ZNF160: variants seen among roughly 807,000 people sequenced by gnomAD.
ZNF160 encodes zinc finger protein 160.
In ZNF160, 9 loss-of-function variants were observed where a neutral mutation model predicts 13.1. The observed-to-expected ratio is 0.69, with a 90% confidence interval of 0.41 to 1.20. The LOEUF is 1.20. Ranked by LOEUF, ZNF160 falls within the 50% of genes most tolerant of loss-of-function variation. The pLI, the probability that ZNF160 is intolerant of heterozygous loss-of-function variation, is 0.01. For synonymous variants in ZNF160, 293 were observed against 333.2 expected, an observed-to-expected ratio of 0.88 and a Z score of 1.31; for missense variants, 838 against 988.0, an observed-to-expected ratio of 0.85 and a Z score of 2.04.
intron 3 of ZNF160, among the ~76,000 whole-genome samples, chr19:53,080,750 C>T (rs1204596161): frequency 6.6e-6 from 1 of 152,126 alleles, no homozygotes; most frequent in African/African-American, 2.4e-5. Flanking sequence ...CAAAAAAGAG[C>T]TCAAAGAGCC....
rs1437623681 is a variant in ZNF160 at position 53,091,669 on chromosome 19, G to A, written c.-302C>T. 1 of 152,270 alleles carries A rather than the reference G, an allele frequency of 6.6e-6. No homozygotes were observed. The highest frequency in any genetic ancestry group is 1.5e-5 in the Non-Finnish European group (1 of 68,066). The allele number at this position is 152,270 out of a possible 1,614,324, so 9.4% of individuals were successfully genotyped here. On this transcript the variant is annotated 5_prime_UTR_variant, in exon 2 of 6. Coordinates refer to ENST00000683776, the MANE Select transcript of ZNF160 (RefSeq NM_001322131.2). ...GCTGAAGCCACTCAGTGGGCTGGGAGCCGGGATCTCTCTAGGTCGTCAGGG... is the reference window on the plus strand; with the variant it reads ...GCTGAAGCCACTCAGTGGGCTGGGAACCGGGATCTCTCTAGGTCGTCAGGG...
At chr19:53,087,355 C>A (rs974458059) in intron 2 of ZNF160, among the ~76,000 whole-genome samples, 1 of 152,182 alleles carries the variant, frequency 6.6e-6, no homozygotes, top group African/African-American at 2.4e-5. Context: ...TATTTCCTCA[C>A]CTGTTTTAAG....
intron 3 of ZNF160, among the ~76,000 whole-genome samples, chr19:53,081,379 T>TATCCAG (rs2084625923): frequency 6.6e-6 from 1 of 152,060 alleles, no homozygotes; most frequent in African/African-American, 2.4e-5. Context: ...GAATAACTAA[T>TATCCAG]ATCCAGAATC....
At chr19:53,094,854 C>T (rs2085162037) in intron 1 of ZNF160, among the ~76,000 whole-genome samples, 1 of 152,146 alleles carries the variant, frequency 6.6e-6, no homozygotes, top group Non-Finnish European at 1.5e-5. Context: ...GAGAGAAAGG[C>T]TGACATAGCA....
intron 3 of ZNF160, chr19:53,077,159 C>A (rs1179210605): frequency 6.6e-6 from 1 of 152,218 alleles, no homozygotes; most frequent in African/African-American, 2.4e-5. Flanking sequence ...GCGGAACAGC[C>A]GGCAGACAAC....
At chr19:53,075,325 C>G (rs2084346132) in intron 3 of ZNF160, 142 bp from the exon 4 acceptor site, 1 of 1,089,028 alleles carries the variant, frequency 9.2e-7, no homozygotes, top group African/African-American at 1.6e-5. Context: ...ATGTGACATA[C>G]AGATTTGGTC....
At chr19:53,085,447 C>T (rs2084794145) in intron 3 of ZNF160, 1 of 152,372 alleles carries the variant, frequency 6.6e-6, no homozygotes, top group African/African-American at 2.4e-5. Context: ...ATAAATGTAT[C>T]ATTTCACTAT....
chr19:53,094,283 C>T (rs2085139561), intron 1 of ZNF160, among the ~76,000 whole-genome samples: 1 of 152,152 alleles, frequency 6.6e-6, no homozygotes, highest in Admixed American at 6.5e-5. Flanking sequence ...GACCTAAGCC[C>T]AGAGTTCTCT....
rs761860663 is a variant in ZNF160, at chr19:53,074,268, C to G, written c.143G>C (p.Gly48Ala). Residue 48 changes from glycine (G) to alanine (A), a missense_variant and splice_region_variant, in exon 5 of 6, where the codon GGA (glycine) becomes GCA (alanine). Coordinates refer to ENST00000683776, the MANE Select transcript of ZNF160 (RefSeq NM_001322131.2). The stretch of plus-strand genomic sequence containing the variant: ...AATATTCATATCAAAATGACACAGT[C>G]CTGTTTATAAAAAGAAAGGATCACA... ...LENYWNLVSL[G>A]LCHFDMNIIS... 6 of 1,613,852 alleles carry G rather than the reference C, an allele frequency of 3.7e-6. No homozygotes were observed. In the South Asian group the frequency reaches 6.6e-5, roughly 18 times the overall value.
chr19:53,102,780 G>A (rs2085494050), intron 1 of ZNF160, among the ~76,000 whole-genome samples: 1 of 152,168 alleles, frequency 6.6e-6, no homozygotes, highest in Non-Finnish European at 1.5e-5. Flanking sequence ...CATTTTCCAG[G>A]GGGTGGAGCT....
intron 1 of ZNF160, among the ~76,000 whole-genome samples, chr19:53,101,933 T>G (rs1251208039): frequency 2.0e-5 from 3 of 152,156 alleles, no homozygotes; most frequent in Admixed American, 6.6e-5. Context: ...AATTGTCATA[T>G]CCAATCTCAA....
chr19:53,073,687 T>C (rs975788386), intron 5 of ZNF160, among the ~76,000 whole-genome samples: 4 of 152,224 alleles, frequency 2.6e-5, no homozygotes, highest in Non-Finnish European at 4.4e-5. Flanking sequence ...AGAGTTCAAA[T>C]GACAGGGTGT....
Position 53,068,376 on chromosome 19 carries a change from G to A in ZNF160, c.2158C>T (p.Leu720=). The part of the protein sequence containing the change: ...CGKAFSVRSS[L]TTHQAIHTGK... ...GTATGGATTGCCTGATGGGTGGTTA[G>A]GCTTGAACGAACACTGAAGGCTTTC... Residue 720 remains leucine (L), a synonymous_variant, in exon 6 of 6, where the codon CTA becomes TTA. Transcript: ENST00000683776. The A allele has an allele frequency of 6.2e-7, 1 of 1,614,008 alleles. No individual in the cohort carries two copies. The highest frequency in any genetic ancestry group is 8.5e-7 in the Non-Finnish European group (1 of 1,180,016).
chr19:53,067,973 A>T lies in ZNF160; in HGVS notation c.*104T>A, dbSNP rs2084017412. The T allele has an allele frequency of 1.4e-6, 2 of 1,459,886 alleles. No individual in the cohort carries two copies. Among genetic ancestry groups the T allele is most frequent in the Non-Finnish European group, 9.2e-7 (1 of 1,084,356 alleles). 90.4% of individuals were successfully genotyped at this position (1,459,886 alleles called of 1,614,324 possible). On this transcript the variant is annotated 3_prime_UTR_variant, in exon 6 of 6. Coordinates refer to ENST00000683776, the MANE Select transcript of ZNF160 (RefSeq NM_001322131.2). Reference sequence around the variant, plus strand: ...GCCTCTCATATCTATTAATGCTTCAACTCATGAGGGATTGGCCACTGTCAC... The same window carrying T: ...GCCTCTCATATCTATTAATGCTTCATCTCATGAGGGATTGGCCACTGTCAC...
In ZNF160 at chr19:53,069,156, T is replaced by C; in HGVS notation, c.1378A>G (p.Lys460Glu). The C allele has an allele frequency of 6.2e-7, 1 of 1,614,220 alleles. No individual in the cohort carries two copies. Among genetic ancestry groups the C allele is most frequent in the South Asian group, 1.1e-5 (1 of 91,084 alleles). The stretch of plus-strand genomic sequence containing the variant: ...AGGTTTGAATGCATACTGAAGGCTT[T>C]GCCACATTCATTACACTTGTAAGGT... ...EKPYKCNECGKAFSMHSNLAT... is the reference protein window; with the variant it reads ...EKPYKCNECGEAFSMHSNLAT... The change falls in exon 6 of 6, where the codon AAA becomes GAA. Residue 460 changes from lysine to glutamate, a missense_variant. By Grantham distance (56) the Lys-to-Glu change is moderately conservative. Around this residue, in one of 3 missense-constraint regions of ZNF160, gnomAD observed 400 missense variants for 538.9 expected, o/e 0.74. Coordinates refer to ENST00000683776, the MANE Select transcript of ZNF160 (RefSeq NM_001322131.2). The surrounding 1 kb of genome is among the most constrained non-coding windows in gnomAD (Gnocchi z 4.4).
intron 1 of ZNF160, among the ~76,000 whole-genome samples, chr19:53,099,185 A>G (rs1395315219): frequency 6.6e-6 from 1 of 152,190 alleles, no homozygotes; most frequent in Non-Finnish European, 1.5e-5. Flanking sequence ...AACGTGGTAG[A>G]GACTGACAGG....
rs955950005 is a variant in ZNF160, at chr19:53,075,695, T to A, written c.16-512A>T. ...TATCTCAACTAATAGATCACTTCCA[T>A]CTAGATGTTCATCTGTGTGCTTTGT... On this transcript the variant is annotated intron_variant, in intron 3 of 5. Coordinates refer to ENST00000683776, the MANE Select transcript of ZNF160 (RefSeq NM_001322131.2). The A allele has an allele frequency of 1.9e-5, 10 of 518,122 alleles. No homozygotes were observed. The East Asian group carries it at 5.5e-4, about 28-fold the overall frequency. The allele number at this position is 518,122 out of a possible 1,614,324, so 32.1% of individuals were successfully genotyped here.
intron 2 of ZNF160, 138 bp downstream of exon 2, chr19:53,091,275 T>G (rs2085025136): frequency 6.6e-6 from 1 of 152,388 alleles, no homozygotes; most frequent in Non-Finnish European, 1.5e-5. Flanking sequence ...GAGGATCGCT[T>G]GAGCCCAGGA....
At chr19:53,074,664 C>T (rs531115537) in intron 4 of ZNF160, among the ~76,000 whole-genome samples, 30 of 105,526 alleles carry the variant, frequency 2.8e-4, no homozygotes, top group East Asian at 1.0e-3. Flanking sequence ...AGCGAGACTC[C>T]GCCTCAAAAA....
Sources: allele counts gnomAD v4.1 joint callset (sites outside exome capture counted in the v4.1 genomes callset), GRCh38; gene constraint gnomAD v4.1.1; regional missense constraint gnomAD v4.1.1; non-coding constraint Gnocchi (gnomAD v3.1); transcripts MANE v1.5; gene names NCBI Gene and HGNC (gene_info 2026-07-23, HGNC 2026-07-21).